Variants in TEK observed in about 807,000 individuals in gnomAD.
TEK encodes the protein angiopoietin-1 receptor.
A neutral mutation model predicts 131.8 loss-of-function variants in TEK; 43 were observed. The ratio of observed to expected loss-of-function variants is 0.33; its 90% CI spans 0.26 to 0.42. The LOEUF is 0.42. Ranked by LOEUF, TEK falls within the 10% of genes least tolerant of loss-of-function variation. The pLI is 1.00. For synonymous variants in TEK, 580 were observed against 491.6 expected, an observed-to-expected ratio of 1.18 and a Z score of -2.38; for missense variants, 1,162 against 1,384.4, an observed-to-expected ratio of 0.84 and a Z score of 2.55.
chr9:27,194,176 T>A (rs538324881), intron 11 of TEK, among the ~76,000 whole-genome samples: 20 of 152,268 alleles, frequency 1.3e-4, no homozygotes, highest in Admixed American at 3.9e-4. Context: ...CAGCTTATTA[T>A]CCCAGTTCAC....
intron 4 of TEK, 98 bp from the exon 5 acceptor site, chr9:27,172,518 C>T (rs1823995330): frequency 6.6e-7 from 1 of 1,514,316 alleles, no homozygotes; most frequent in African/African-American, 1.4e-5. Context: ...CTTTATTCAC[C>T]ATTGTCCACT....
chr9:27,218,876 A>G (rs1242264951), intron 20 of TEK, 59 bp downstream of exon 20: 2 of 1,496,880 alleles, frequency 1.3e-6, no homozygotes, highest in Non-Finnish European at 1.9e-6. Flanking sequence ...GGAAGCCTCT[A>G]GCACTCCCTT....
intron 1 of TEK, among the ~76,000 whole-genome samples, chr9:27,145,409 G>A (rs1249722020): frequency 6.6e-6 from 1 of 152,178 alleles, no homozygotes; most frequent in East Asian, 1.9e-4. Flanking sequence ...TTCCTTCTAA[G>A]GGTGTCTTAG....
At chr9:27,129,577 C>G (rs1478806114) in intron 1 of TEK, among the ~76,000 whole-genome samples, 2 of 152,196 alleles carry the variant, frequency 1.3e-5, no homozygotes, top group Non-Finnish European at 2.9e-5. Context: ...TATTGTTACT[C>G]AAGCATGGCT....
chr9:27,158,900 C>A (rs1823441874), intron 2 of TEK, among the ~76,000 whole-genome samples: 3 of 152,228 alleles, frequency 2.0e-5, no homozygotes. Context: ...ACCTCGTGAT[C>A]TGCCCGCCAT....
intron 9 of TEK, among the ~76,000 whole-genome samples, chr9:27,186,599 A>C (rs1011343351): frequency 6.6e-6 from 1 of 152,222 alleles, no homozygotes; most frequent in African/African-American, 2.4e-5. Context: ...AGTAGCACAC[A>C]TTGTAAGCAC....
intron 9 of TEK, 134 bp downstream of exon 9, chr9:27,185,763 A>T (rs1824578468): frequency 8.3e-7 from 1 of 1,211,002 alleles, no homozygotes; most frequent in African/African-American, 1.5e-5. Context: ...CCTTTAAAAA[A>T]TTATATGCAT....
chr9:27,157,432 TTTA>T (rs1038805097), intron 1 of TEK, among the ~76,000 whole-genome samples: 3 of 152,216 alleles, frequency 2.0e-5, no homozygotes, highest in Non-Finnish European at 4.4e-5. Flanking sequence ...TTTAGAATAC[TTTA>T]TTATTGTGAC....
intron 1 of TEK, among the ~76,000 whole-genome samples, chr9:27,138,231 C>T (rs1044192136): frequency 6.6e-6 from 1 of 152,194 alleles, no homozygotes. Flanking sequence ...GGAAGGGGAT[C>T]TGAGCGGGTT....
intron 1 of TEK, among the ~76,000 whole-genome samples, chr9:27,149,576 C>T (rs368942042): frequency 2.0e-5 from 3 of 152,282 alleles, no homozygotes; most frequent in South Asian, 2.1e-4. Context: ...ATTATAGACT[C>T]GTTTCTTTGA....
chr9:27,214,718 G>T (rs948869038), intron 18 of TEK, among the ~76,000 whole-genome samples: 1 of 152,066 alleles, frequency 6.6e-6, no homozygotes, highest in Non-Finnish European at 1.5e-5. Flanking sequence ...CACAGTGAAC[G>T]TAATCATTTT....
At chr9:27,160,825 C>G (rs568024477) in intron 2 of TEK, among the ~76,000 whole-genome samples, 59 of 152,282 alleles carry the variant, frequency 3.9e-4, no homozygotes, top group African/African-American at 1.4e-3. Context: ...TGCAGCTCTC[C>G]GTTGAGGGAA....
Position 27,134,306 on chromosome 9 carries a change from C to A in TEK, c.53-23525C>A, listed in dbSNP as rs1236610977. Among the ~76,000 whole-genome samples, 4 of 152,156 alleles carry A rather than the reference C, an allele frequency of 2.6e-5. No individual in the cohort carries two copies. The South Asian group carries it at 6.2e-4, about 24-fold the overall frequency. ...CAGCTCATTTACTCTGTGAGATATA[C>A]TGCCCACAAACTCAAGGATTTGTAG... On this transcript the variant is annotated intron_variant, in intron 1 of 22. Transcript: ENST00000380036.
intron 1 of TEK, among the ~76,000 whole-genome samples, chr9:27,121,759 A>G (rs1821799884): frequency 6.6e-6 from 1 of 152,212 alleles, no homozygotes; most frequent in Admixed American, 6.5e-5. Context: ...AAGAATCACA[A>G]AAGTGATCCA....
At chr9:27,167,426 C>T (rs1173641593) in intron 2 of TEK, among the ~76,000 whole-genome samples, 3 of 152,130 alleles carry the variant, frequency 2.0e-5, no homozygotes, top group African/African-American at 4.8e-5. Flanking sequence ...TGGGGTTTTG[C>T]CATGTTGGCC....
chr9:27,229,017 G>C, intron 22 of TEK, 141 bp from the exon 23 acceptor site: 2 of 756,878 alleles, frequency 2.6e-6, no homozygotes, highest in Non-Finnish European at 4.8e-6. Flanking sequence ...ACAACAGAGG[G>C]ACTGAGGACA....
chr9:27,178,912 GCAGTTTAA>G (rs900250140), intron 6 of TEK, among the ~76,000 whole-genome samples: 2 of 152,138 alleles, frequency 1.3e-5, no homozygotes, highest in African/African-American at 4.8e-5. Context: ...TTAGTTTTTA[GCAGTTTAA>G]CCATGATGTG....
At chr9:27,126,850 A>G (rs575351221) in intron 1 of TEK, among the ~76,000 whole-genome samples, 1 of 152,310 alleles carries the variant, frequency 6.6e-6, no homozygotes, top group South Asian at 2.1e-4. Flanking sequence ...TGTAACCCAG[A>G]TTTGACTGGA....
chr9:27,167,597 A>T (rs1290297250), intron 2 of TEK, among the ~76,000 whole-genome samples: 1 of 152,230 alleles, frequency 6.6e-6, no homozygotes, highest in Non-Finnish European at 1.5e-5. Flanking sequence ...GTCCAGTTCC[A>T]TAACTGTGTC....
Sources: gnomAD v4.1 joint callset for allele counts (sites outside exome capture counted in the v4.1 genomes callset) on GRCh38, gnomAD v4.1.1 for gene constraint, MANE v1.5 for transcripts, NCBI Gene and HGNC (gene_info 2026-07-23, HGNC 2026-07-21) for gene names.